The following TMEM163 variants were observed in gnomAD, a reference collection of about 807,000 sequenced individuals.
TMEM163 encodes transmembrane protein 163.
In TMEM163, 17 loss-of-function variants were observed where a neutral mutation model predicts 29.3. The ratio of observed to expected loss-of-function variants is 0.58; its 90% CI spans 0.40 to 0.87. The LOEUF is 0.87. Ranked by LOEUF, TMEM163 falls within the 40% of genes least tolerant of loss-of-function variation. The pLI is 0.00. For missense variants in TMEM163, 303 were observed against 381.5 expected (o/e 0.79, Z 1.71); for synonymous variants, 157 against 160.6 (o/e 0.98, Z 0.17).
intron 2 of TMEM163, among the ~76,000 whole-genome samples, chr2:134,651,388 GTTGT>G (rs1364363746): frequency 2.9e-5 from 4 of 136,848 alleles, no homozygotes; most frequent in East Asian, 2.0e-4. Context: ...TTTTGATGGG[GTTGT>G]TTGTTTTTTT....
At chr2:134,578,177 G>A (rs1387100812) in intron 2 of TMEM163, among the ~76,000 whole-genome samples, 3 of 152,144 alleles carry the variant, frequency 2.0e-5, no homozygotes, top group African/African-American at 7.2e-5. Flanking sequence ...AGTTTTAGAG[G>A]AGCTGTGCAG....
chr2:134,456,445 C>T lies in TMEM163; in HGVS notation c.*271G>A. 2.1e-6 allele frequency: 1 copy of T among 474,566 alleles called. No homozygotes were observed. The highest frequency in any genetic ancestry group is 3.8e-6 in the Non-Finnish European group (1 of 262,558). 29.4% of individuals were successfully genotyped at this position (474,566 alleles called of 1,614,324 possible). A position where few individuals can be genotyped will look rare whatever the true frequency, so the allele number is the denominator to read the frequency against. On this transcript the variant is annotated 3_prime_UTR_variant, in exon 8 of 8. Transcript: ENST00000281924. ...AAAGATCTCATCCTACCCATGAGAACCATCATACTCCAGAGACTAAAAAAC... is the reference window on the plus strand; with the variant it reads ...AAAGATCTCATCCTACCCATGAGAATCATCATACTCCAGAGACTAAAAAAC...
chr2:134,505,346 G>A (rs1215244192), intron 4 of TMEM163, among the ~76,000 whole-genome samples: 5 of 148,676 alleles, frequency 3.4e-5, no homozygotes, highest in Non-Finnish European at 7.4e-5. Flanking sequence ...TAAAAGCTCC[G>A]CAGGCAATTC....
intron 5 of TMEM163, among the ~76,000 whole-genome samples, chr2:134,482,259 C>T (rs1679209739): frequency 1.3e-5 from 2 of 152,234 alleles, no homozygotes; most frequent in South Asian, 2.1e-4. Context: ...TCTGCAGGGC[C>T]AGTTGTCACC....
At chr2:134,645,709 C>T (rs1462720728) in intron 2 of TMEM163, among the ~76,000 whole-genome samples, 1 of 152,172 alleles carries the variant, frequency 6.6e-6, no homozygotes, top group East Asian at 1.9e-4. Context: ...TTAAAGAAGA[C>T]AATCTCAAAA....
At chr2:134,553,770 T>C (rs1417952344) in intron 2 of TMEM163, among the ~76,000 whole-genome samples, 1 of 152,166 alleles carries the variant, frequency 6.6e-6, no homozygotes, top group Non-Finnish European at 1.5e-5. Context: ...GCTGGAGCTT[T>C]CATGGGACAC....
intron 2 of TMEM163, among the ~76,000 whole-genome samples, chr2:134,590,861 A>T (rs1681920378): frequency 6.6e-6 from 1 of 152,188 alleles, no homozygotes; most frequent in African/African-American, 2.4e-5. Context: ...TTTCAAACAA[A>T]AAAAGAACAG....
At chr2:134,572,910 G>T (rs532838981) in intron 2 of TMEM163, among the ~76,000 whole-genome samples, 2 of 152,140 alleles carry the variant, frequency 1.3e-5, no homozygotes, top group Non-Finnish European at 2.9e-5. Context: ...TGATTTATAC[G>T]CATCCTCTTT....
chr2:134,624,318 G>A (rs896133421), intron 2 of TMEM163, among the ~76,000 whole-genome samples: 3 of 152,182 alleles, frequency 2.0e-5, no homozygotes, highest in African/African-American at 7.2e-5. Flanking sequence ...TTGCAGGGAC[G>A]TGGATGGAAC....
intron 5 of TMEM163, chr2:134,467,450 C>A (rs1483060846): frequency 1.3e-5 from 2 of 152,232 alleles, no homozygotes; most frequent in African/African-American, 4.8e-5. Context: ...CATGTGGCCC[C>A]TGATACGATG....
At chr2:134,619,594 A>G (rs1309117083) in intron 2 of TMEM163, among the ~76,000 whole-genome samples, 2 of 152,220 alleles carry the variant, frequency 1.3e-5, no homozygotes, top group Non-Finnish European at 2.9e-5. Context: ...AGCATCTATG[A>G]GAAACCTACA....
chr2:134,667,686 GA>G (rs1026101602), intron 2 of TMEM163, among the ~76,000 whole-genome samples: 2 of 152,150 alleles, frequency 1.3e-5, no homozygotes, highest in Non-Finnish European at 2.9e-5. Context: ...ATCTGCAAAA[GA>G]AAAGCTTAAA....
intron 5 of TMEM163, among the ~76,000 whole-genome samples, chr2:134,496,253 G>C (rs12993676): frequency 0.016 from 2,495 of 152,108 alleles, 33 homozygotes; most frequent in Middle Eastern, 0.031. Flanking sequence ...GTAGAGACAG[G>C]GTTTCACCAT....
chr2:134,518,753 T>C lies in TMEM163; in HGVS notation c.459-15756A>G, dbSNP rs140592924. ...ATATCTCACCTCAATTGACTTTTCCTCTTTTCCTGTCTAACTCGCCCCCTA... is the reference window on the plus strand; with the variant it reads ...ATATCTCACCTCAATTGACTTTTCCCCTTTTCCTGTCTAACTCGCCCCCTA... On this transcript the variant is annotated intron_variant, in intron 4 of 7. Coordinates refer to ENST00000281924, the MANE Select transcript of TMEM163 (RefSeq NM_030923.5). Among the ~76,000 whole-genome samples, 378 of 152,250 alleles carry C rather than the reference T, an allele frequency of 2.5e-3. 1 individual carries two copies. Among genetic ancestry groups the C allele is most frequent in the African/African-American group, 8.8e-3 (365 of 41,540 alleles).
In TMEM163 at chr2:134,675,314, T is replaced by A. The variant is rs554313272; in HGVS notation, c.322+37886A>T. ...GACTTTTCCTTTTAATAAAAAATAA[T>A]CAACAAGTGAAAGAAATCTAAACCA... On this transcript the variant is annotated intron_variant, in intron 2 of 7. Coordinates refer to ENST00000281924, the MANE Select transcript of TMEM163 (RefSeq NM_030923.5). Among the ~76,000 whole-genome samples the A allele has an allele frequency of 1.1e-4, 17 of 152,304 alleles. 1 individual carries two copies. Among genetic ancestry groups the A allele is most frequent in the African/African-American group, 3.6e-4 (15 of 41,582 alleles).
intron 2 of TMEM163, among the ~76,000 whole-genome samples, chr2:134,584,360 G>C (rs1035386122): frequency 6.6e-6 from 1 of 152,204 alleles, no homozygotes. Flanking sequence ...CCCAGCCATG[G>C]TGTCTGAAGC....
At chr2:134,456,834 G>A in intron 7 of TMEM163, 58 bp from the exon 8 acceptor site, 5 of 1,555,676 alleles carry the variant, frequency 3.2e-6, no homozygotes, top group Non-Finnish European at 4.4e-6. Flanking sequence ...AGAGCTTGGG[G>A]AAGCGTATTT....
At chr2:134,697,788 T>C (rs1054665794) in intron 2 of TMEM163, among the ~76,000 whole-genome samples, 6 of 152,216 alleles carry the variant, frequency 3.9e-5, no homozygotes, top group Admixed American at 3.3e-4. Context: ...TGTTCATTTA[T>C]TTATTTATTT....
intron 2 of TMEM163, among the ~76,000 whole-genome samples, chr2:134,604,421 C>A (rs1352162672): frequency 1.4e-5 from 2 of 139,494 alleles, no homozygotes; most frequent in Non-Finnish European, 3.1e-5. Context: ...TGAGCCATAA[C>A]CTTAGCTTTT....
Sources: allele counts gnomAD v4.1 joint callset (sites outside exome capture counted in the v4.1 genomes callset), GRCh38; gene constraint gnomAD v4.1.1; transcripts MANE v1.5; gene names NCBI Gene and HGNC (gene_info 2026-07-23, HGNC 2026-07-21).